The following CSMD1 variants were observed in gnomAD, a reference collection of about 807,000 sequenced individuals.
CSMD1 encodes CUB and Sushi multiple domains 1.
In CSMD1, 213 loss-of-function variants were observed where a neutral mutation model predicts 417.5. The ratio of observed to expected loss-of-function variants is 0.51; its 90% CI spans 0.46 to 0.57. The LOEUF (loss-of-function observed/expected upper bound fraction) is 0.57. Among genes scored for constraint, CSMD1 ranks in the 20% least tolerant of loss-of-function variants. The pLI is 0.00. For missense variants in CSMD1, 6,923 were observed against 4,529.7 expected (o/e 1.53, Z -15.17); for synonymous variants, 2,862 against 1,736.8 (o/e 1.65, Z -16.11).
intron 3 of CSMD1, among the ~76,000 whole-genome samples, chr8:4,327,969 T>G (rs1229854794): frequency 6.6e-6 from 1 of 152,188 alleles, no homozygotes; most frequent in Non-Finnish European, 1.5e-5. Context: ...TTGAATGAAA[T>G]TCTTGTTTTA....
intron 3 of CSMD1, among the ~76,000 whole-genome samples, chr8:4,360,014 C>G (rs577334276): frequency 1.3e-4 from 20 of 152,312 alleles, no homozygotes; most frequent in South Asian, 1.2e-3. Flanking sequence ...TTGTGGAGTT[C>G]CAGCTCTCTT....
intron 31 of CSMD1, among the ~76,000 whole-genome samples, chr8:3,204,476 A>T (rs1797143118): frequency 6.6e-6 from 1 of 152,188 alleles, no homozygotes; most frequent in African/African-American, 2.4e-5. Flanking sequence ...AATTTGGTCC[A>T]ACTTAAAATT....
chr8:3,762,567 G>T (rs1485710098), intron 5 of CSMD1, among the ~76,000 whole-genome samples: 1 of 152,212 alleles, frequency 6.6e-6, no homozygotes, highest in Non-Finnish European at 1.5e-5. Context: ...ACTCCATTTG[G>T]TATCACAGCC....
intron 26 of CSMD1, among the ~76,000 whole-genome samples, chr8:3,247,507 C>G (rs745664138): frequency 6.6e-6 from 1 of 152,192 alleles, no homozygotes; most frequent in Non-Finnish European, 1.5e-5. Flanking sequence ...AAAGGCCCAT[C>G]CAACCCTACG....
In CSMD1 at chr8:4,210,599, C is replaced by G. The variant is rs73184119; in HGVS notation, c.416-178500G>C. On this transcript the variant is annotated intron_variant, in intron 3 of 69. Coordinates refer to ENST00000635120, the MANE Select transcript of CSMD1 (RefSeq NM_033225.6). ...GACCAATTTTCTAAAATGTTTAGAGCAAAACAATAGCTAATTAAATAATAT... is the reference window on the plus strand; with the variant it reads ...GACCAATTTTCTAAAATGTTTAGAGGAAAACAATAGCTAATTAAATAATAT... Among the ~76,000 whole-genome samples the G allele has an allele frequency of 3.3e-3, 500 of 151,602 alleles. 7 individuals carry two copies. Among genetic ancestry groups the G allele is most frequent in the Non-Finnish European group, 4.6e-3 (315 of 67,904 alleles).
chr8:4,181,631 T>G (rs984495215), intron 3 of CSMD1, among the ~76,000 whole-genome samples: 1 of 152,198 alleles, frequency 6.6e-6, no homozygotes, highest in Non-Finnish European at 1.5e-5. Flanking sequence ...ATATTTACAT[T>G]CCATTGCCTG....
chr8:4,385,185 C>G (rs925783272), intron 3 of CSMD1, among the ~76,000 whole-genome samples: 2 of 152,104 alleles, frequency 1.3e-5, no homozygotes, highest in Non-Finnish European at 2.9e-5. Flanking sequence ...GTCTCGGCGT[C>G]TTAAAGTGAT....
At chr8:4,503,044 T>A (rs1396067383) in intron 2 of CSMD1, among the ~76,000 whole-genome samples, 3 of 152,176 alleles carry the variant, frequency 2.0e-5, no homozygotes, top group Non-Finnish European at 4.4e-5. Flanking sequence ...TGAAAATACC[T>A]TTTACTTAAA....
intron 10 of CSMD1, among the ~76,000 whole-genome samples, chr8:3,508,480 C>CTTT (rs1585274561): frequency 1.3e-5 from 2 of 150,426 alleles, no homozygotes; most frequent in East Asian, 3.9e-4. Flanking sequence ...ATGTTGTGCA[C>CTTT]ATGTACCCTA....
intron 5 of CSMD1, among the ~76,000 whole-genome samples, chr8:3,945,792 T>C (rs1444220271): frequency 2.0e-5 from 3 of 152,046 alleles, no homozygotes; most frequent in Non-Finnish European, 4.4e-5. Context: ...TGAGAAGCAA[T>C]TTCAGACTTC....
chr8:4,329,270 T>G (rs749803649), intron 3 of CSMD1, among the ~76,000 whole-genome samples: 21 of 152,172 alleles, frequency 1.4e-4, no homozygotes, highest in Non-Finnish European at 2.6e-4. Context: ...GACCTATTAC[T>G]AAAATGCTTG....
chr8:4,304,307 T>A (rs527401940), intron 3 of CSMD1, among the ~76,000 whole-genome samples: 1 of 152,334 alleles, frequency 6.6e-6, no homozygotes, highest in South Asian at 2.1e-4. Flanking sequence ...ATAGAATATA[T>A]AGAAGATATT....
At chr8:4,374,971 G>GGC (rs1554450717) in intron 3 of CSMD1, among the ~76,000 whole-genome samples, 1 of 133,320 alleles carries the variant, frequency 7.5e-6, no homozygotes, top group Admixed American at 7.7e-5. Flanking sequence ...TGGGGGGGGG[G>GGC]GGCGATAGTG....
At chr8:3,538,137 T>G (rs1450304881) in intron 10 of CSMD1, among the ~76,000 whole-genome samples, 1 of 152,218 alleles carries the variant, frequency 6.6e-6, no homozygotes, top group Non-Finnish European at 1.5e-5. Flanking sequence ...GCACATGGAC[T>G]TCTAGATTTA....
At chr8:4,909,917 G>A (rs1414488819) in intron 1 of CSMD1, among the ~76,000 whole-genome samples, 1 of 152,170 alleles carries the variant, frequency 6.6e-6, no homozygotes, top group Non-Finnish European at 1.5e-5. Flanking sequence ...GAGGATGGGA[G>A]TGAGCCCTTT....
At chr8:3,404,766 G>A (rs1812245126) in intron 15 of CSMD1, among the ~76,000 whole-genome samples, 1 of 143,532 alleles carries the variant, frequency 7.0e-6, no homozygotes, top group Non-Finnish European at 1.6e-5. Flanking sequence ...ATGTATTTAT[G>A]ACACATGTGC....
At position 3,039,345 on chromosome 8, in the gene CSMD1, GCCTT is replaced by G. The variant is rs746783307; in HGVS notation, c.7661-9836_7661-9833del. Among the ~76,000 whole-genome samples, 16 of 115,128 alleles carry G rather than the reference GCCTT, an allele frequency of 1.4e-4. No homozygotes were observed. The South Asian group carries it at 1.5e-3, about 11-fold the overall frequency. 75.5% of individuals were successfully genotyped at this position (115,128 alleles called of 152,430 possible). On this transcript the variant is annotated intron_variant, in intron 50 of 69. Coordinates refer to ENST00000635120, the MANE Select transcript of CSMD1 (RefSeq NM_033225.6). ...TCTTTTCCTTTCTTTCTTCCTTTCC[GCCTT>G]CCTTCCTTCCTCCTTTACTTTCCTT...
intron 3 of CSMD1, among the ~76,000 whole-genome samples, chr8:4,253,010 C>T (rs776787385): frequency 6.6e-6 from 1 of 152,290 alleles, no homozygotes; most frequent in South Asian, 2.1e-4. Flanking sequence ...GTCGGATTAT[C>T]GGTACCAGCA....
intron 3 of CSMD1, among the ~76,000 whole-genome samples, chr8:4,149,427 C>T (rs768250022): frequency 4.6e-5 from 7 of 152,074 alleles, no homozygotes; most frequent in Non-Finnish European, 7.4e-5. Flanking sequence ...AATATTTGAA[C>T]GGTATTTCTA....
Sources: gnomAD v4.1 joint callset for allele counts (sites outside exome capture counted in the v4.1 genomes callset) on GRCh38, gnomAD v4.1.1 for gene constraint, MANE v1.5 for transcripts, NCBI Gene and HGNC (gene_info 2026-07-23, HGNC 2026-07-21) for gene names.